RIMS2: variants seen among roughly 807,000 people sequenced by gnomAD.
RIMS2 encodes regulating synaptic membrane exocytosis 2.
Under a neutral mutation model 174.4 loss-of-function variants are expected in RIMS2, and 59 were observed. The ratio of observed to expected loss-of-function variants is 0.34; its 90% CI spans 0.27 to 0.42. The LOEUF (loss-of-function observed/expected upper bound fraction) is 0.42, where lower values mean the gene tolerates loss of function less well. Among genes scored for constraint, RIMS2 ranks in the 10% least tolerant of loss-of-function variants. The probability of loss-of-function intolerance (pLI) is 1.00; values close to 1 mark genes in which losing one functional copy is unlikely to be tolerated. For synonymous variants in RIMS2, 606 were observed against 572.5 expected, an observed-to-expected ratio of 1.06 and a Z score of -0.84; for missense variants, 1,620 against 1,666.3, an observed-to-expected ratio of 0.97 and a Z score of 0.48.
At chr8:103,532,992 A>G (rs1402253897) in intron 1 of RIMS2, among the ~76,000 whole-genome samples, 1 of 152,248 alleles carries the variant, frequency 6.6e-6, no homozygotes, top group Non-Finnish European at 1.5e-5. Context: ...TACTAAAGGA[A>G]TATAATATAT....
At chr8:104,050,528 G>T (rs561189539) in intron 19 of RIMS2, among the ~76,000 whole-genome samples, 2 of 152,154 alleles carry the variant, frequency 1.3e-5, no homozygotes, top group Non-Finnish European at 2.9e-5. Flanking sequence ...GCTATGTAAA[G>T]TAGCCAGGAA....
chr8:104,170,258 A>C (rs1247474459), intron 19 of RIMS2, among the ~76,000 whole-genome samples: 1 of 152,042 alleles, frequency 6.6e-6, no homozygotes, highest in Admixed American at 6.6e-5. Context: ...TAGTGCTGTC[A>C]CTGGAGAATT....
chr8:104,100,044 C>T (rs963332694), intron 19 of RIMS2, among the ~76,000 whole-genome samples: 7 of 152,042 alleles, frequency 4.6e-5, no homozygotes, highest in Non-Finnish European at 1.0e-4. Flanking sequence ...TGGTTTCGAA[C>T]CCCTGGGCTC....
intron 17 of RIMS2, among the ~76,000 whole-genome samples, chr8:103,990,579 C>T (rs1001873669): frequency 1.3e-5 from 2 of 151,922 alleles, no homozygotes; most frequent in Admixed American, 1.3e-4. Context: ...AAGTACAATA[C>T]TGTAATAGAA....
At chr8:103,961,247 A>C in intron 15 of RIMS2, 114 bp downstream of exon 17, 1 of 641,506 alleles carries the variant, frequency 1.6e-6, no homozygotes, top group Non-Finnish European at 2.8e-6. Flanking sequence ...TCACCCTCCA[A>C]AACAGCCTAT....
At chr8:103,804,911 C>G (rs1201017967) in intron 3 of RIMS2, among the ~76,000 whole-genome samples, 1 of 152,068 alleles carries the variant, frequency 6.6e-6, no homozygotes, top group African/African-American at 2.4e-5. Flanking sequence ...ATCTTCCTAC[C>G]TCAGCCTCCT....
intron 1 of RIMS2, among the ~76,000 whole-genome samples, chr8:103,653,418 G>A (rs373938563): frequency 2.8e-4 from 42 of 152,284 alleles, no homozygotes; most frequent in African/African-American, 9.4e-4. Flanking sequence ...CTGAAGATGT[G>A]AGAGAGACTG....
chr8:103,673,871 G>A (rs1176224179), intron 1 of RIMS2, among the ~76,000 whole-genome samples: 1 of 152,138 alleles, frequency 6.6e-6, no homozygotes, highest in Non-Finnish European at 1.5e-5. Flanking sequence ...CAAACTTTTA[G>A]GCTCTATTTC....
chr8:103,961,184 C>T, intron 15 of RIMS2, 51 bp downstream of exon 17: 2 of 821,258 alleles, frequency 2.4e-6, no homozygotes, highest in Admixed American at 2.0e-5. Context: ...TGCAATTCAT[C>T]ATCATTTACC....
At chr8:103,531,509 G>A (rs57745717) in intron 1 of RIMS2, among the ~76,000 whole-genome samples, 18,876 of 152,070 alleles carry the variant, frequency 0.12, 1,269 homozygotes, top group Middle Eastern at 0.22. Flanking sequence ...ACCTGGAGAG[G>A]GCATGGGAGC....
intron 4 of RIMS2, among the ~76,000 whole-genome samples, chr8:103,901,242 T>C (rs2099326624): frequency 6.6e-6 from 1 of 152,042 alleles, no homozygotes; most frequent in Non-Finnish European, 1.5e-5. Context: ...GCCTCAGCAG[T>C]GTGTTTCTTA....
intron 1 of RIMS2, among the ~76,000 whole-genome samples, chr8:103,676,383 T>G (rs1421278138): frequency 6.6e-6 from 1 of 152,164 alleles, no homozygotes; most frequent in Non-Finnish European, 1.5e-5. Context: ...AAGAAAGCCT[T>G]TATGCCTGGA....
At chr8:103,624,978 A>G (rs527533450) in intron 1 of RIMS2, among the ~76,000 whole-genome samples, 8 of 152,322 alleles carry the variant, frequency 5.3e-5, no homozygotes, top group African/African-American at 1.4e-4. Context: ...GGAAATATGT[A>G]AAAACAGCAT....
intron 3 of RIMS2, among the ~76,000 whole-genome samples, chr8:103,809,287 T>C (rs2098671228): frequency 6.6e-6 from 1 of 151,974 alleles, no homozygotes; most frequent in African/African-American, 2.4e-5. Context: ...TAGGAAAACT[T>C]CCTCTGAACT....
intron 19 of RIMS2, among the ~76,000 whole-genome samples, chr8:104,176,734 A>G (rs1407514763): frequency 6.6e-6 from 1 of 151,518 alleles, no homozygotes. Flanking sequence ...TATATATGAT[A>G]GTGAAAGAAA....
chr8:103,565,804 T>C (rs2092283198), intron 1 of RIMS2, among the ~76,000 whole-genome samples: 1 of 152,184 alleles, frequency 6.6e-6, no homozygotes. Flanking sequence ...CCCCAGCCAC[T>C]GTCCCGGTTC....
chr8:103,870,278 T>C lies in RIMS2; in HGVS notation c.699-15020T>C, dbSNP rs182699800. Reference sequence around the variant, plus strand: ...AATAATAGTACTTCACAGGATTATTTTGAAAAATGAATTAGTGGATACATG... The same window carrying C: ...AATAATAGTACTTCACAGGATTATTCTGAAAAATGAATTAGTGGATACATG... On this transcript the variant is annotated intron_variant, in intron 3 of 23. Coordinates refer to ENST00000504942, the Ensembl canonical transcript of RIMS2. 7.3e-4 allele frequency among the ~76,000 whole-genome samples: 111 copies of C among 152,042 alleles called. No homozygotes were observed. In the Middle Eastern group the frequency reaches 0.014, roughly 19 times the overall value.
At chr8:103,601,600 GT>G (rs201372440) in intron 1 of RIMS2, among the ~76,000 whole-genome samples, 95 of 150,876 alleles carry the variant, frequency 6.3e-4, no homozygotes, top group South Asian at 4.0e-3. Flanking sequence ...AGATCATGGA[GT>G]TTTTTTTTCA....
At chr8:104,146,131 C>G (rs2098636988) in intron 19 of RIMS2, among the ~76,000 whole-genome samples, 1 of 138,388 alleles carries the variant, frequency 7.2e-6, no homozygotes, top group Admixed American at 8.2e-5. Context: ...TTGAGAGGAT[C>G]AGGAGAGAGG....
Sources: allele counts gnomAD v4.1 joint callset (sites outside exome capture counted in the v4.1 genomes callset), GRCh38; gene constraint gnomAD v4.1.1; transcripts MANE v1.5; gene names NCBI Gene and HGNC (gene_info 2026-07-23, HGNC 2026-07-21).